AHI1: variants seen among roughly 807,000 people sequenced by gnomAD.
AHI1 encodes the protein jouberin.
Under a neutral mutation model 149.3 loss-of-function variants are expected in AHI1, and 123 were observed. The observed-to-expected ratio is 0.82, with a 90% CI of 0.71 to 0.96. AHI1 has a LOEUF of 0.96. Among genes scored for constraint, AHI1 ranks in the 40% least tolerant of loss-of-function variants. The pLI is 0.00. For missense variants in AHI1, 1,439 were observed against 1,422.7 expected (o/e 1.01, Z -0.18); for synonymous variants, 475 against 459.8 (o/e 1.03, Z -0.42).
At chr6:135,492,427 C>T (rs1327956928) in intron 3 of AHI1, 136 bp from the exon 4 acceptor site, 2 of 1,284,670 alleles carry the variant, frequency 1.6e-6, no homozygotes, top group Non-Finnish European at 2.0e-6. Flanking sequence ...GTTCCCTTAA[C>T]CCAATCTTAT....
chr6:135,285,365 C>T lies in AHI1; in HGVS notation c.*280G>A, dbSNP rs1781559557. On this transcript the variant is annotated 3_prime_UTR_variant, in exon 29 of 29. Coordinates refer to ENST00000265602, the MANE Select transcript of AHI1 (RefSeq NM_001134831.2). ...TGTTTTCTTCATTAGTTTTCCAACA[C>T]TGGTAATGTAATTATGATGCAATTA... 1 of 501,022 alleles carries T rather than the reference C, an allele frequency of 2.0e-6. No individual in the cohort carries two copies. The highest frequency in any genetic ancestry group is 2.8e-5 in the South Asian group (1 of 36,308). The allele number at this position is 501,022 out of a possible 1,614,324, so 31.0% of individuals were successfully genotyped here.
chr6:135,425,330 C>T (rs1024684945), intron 20 of AHI1, among the ~76,000 whole-genome samples: 1 of 151,712 alleles, frequency 6.6e-6, no homozygotes, highest in African/African-American at 2.4e-5. Flanking sequence ...CATTTATATT[C>T]TAATAAATTG....
chr6:135,382,926 A>AAAT (rs1562629265), intron 23 of AHI1, among the ~76,000 whole-genome samples: 1 of 30,508 alleles, frequency 3.3e-5, no homozygotes. Flanking sequence ...AAAAAAAAAA[A>AAAT]ATATATATAT....
chr6:135,463,623 C>A (rs1790279343), intron 7 of AHI1, among the ~76,000 whole-genome samples: 1 of 152,180 alleles, frequency 6.6e-6, no homozygotes, highest in African/African-American at 2.4e-5. Flanking sequence ...TCAAAGCATG[C>A]CCACCCTGCT....
At position 135,300,583 on chromosome 6, in the gene AHI1, T is replaced by C. The variant is rs1254335224; in HGVS notation, c.3427-25A>G. On this transcript the variant is annotated intron_variant, in intron 26 of 28. Transcript: ENST00000265602. ...GCTGTGGAAGAAGAGGAAAAACAAG[T>C]AGTAAGTAAAAAATGAGAAAAGACA... is the stretch of plus-strand genomic sequence containing the variant. 3.1e-6 allele frequency: 5 copies of C among 1,588,360 alleles called. No individual in the cohort carries two copies. In the South Asian group the frequency reaches 3.4e-5, roughly 11 times the overall value.
intron 23 of AHI1, among the ~76,000 whole-genome samples, chr6:135,366,790 C>T (rs1410844202): frequency 6.6e-6 from 1 of 152,030 alleles, no homozygotes; most frequent in Non-Finnish European, 1.5e-5. Flanking sequence ...TAGGTCTGCT[C>T]TGATCTTTGT....
chr6:135,422,868 T>C (rs930924748), intron 20 of AHI1, among the ~76,000 whole-genome samples: 1 of 151,972 alleles, frequency 6.6e-6, no homozygotes, highest in Non-Finnish European at 1.5e-5. Flanking sequence ...TTCTCCTAAA[T>C]GTTGAAATTG....
intron 23 of AHI1, among the ~76,000 whole-genome samples, chr6:135,379,133 G>C (rs1370035467): frequency 1.3e-5 from 2 of 152,168 alleles, no homozygotes; most frequent in Admixed American, 6.5e-5. Flanking sequence ...CAAGCTATTA[G>C]ATATCGTGTT....
intron 5 of AHI1, among the ~76,000 whole-genome samples, chr6:135,479,435 T>C (rs1426388063): frequency 5.3e-5 from 8 of 152,168 alleles, no homozygotes; most frequent in Non-Finnish European, 1.2e-4. Flanking sequence ...AGGAGATTAT[T>C]TTGGAGCTTT....
rs1781573041 is a variant in AHI1, at chr6:135,285,525, G to A, written c.*120C>T. The A allele has an allele frequency of 9.7e-7, 1 of 1,031,818 alleles. No homozygotes were observed. Among genetic ancestry groups the A allele is most frequent in the South Asian group, 1.4e-5 (1 of 73,118 alleles). 63.9% of individuals were successfully genotyped at this position (1,031,818 alleles called of 1,614,324 possible). ...CTAGAGTCATTCATAAGAACAAGAA[G>A]TAGTGGATCCTTTCTTCCTCCTTAG... is the stretch of plus-strand genomic sequence containing the variant. On this transcript the variant is annotated 3_prime_UTR_variant, in exon 29 of 29. Coordinates refer to ENST00000265602, the MANE Select transcript of AHI1 (RefSeq NM_001134831.2).
chr6:135,358,224 A>G (rs749053102), intron 23 of AHI1, 37 bp from the exon 24 acceptor site: 1 of 1,542,994 alleles, frequency 6.5e-7, no homozygotes, highest in Middle Eastern at 1.7e-4. Context: ...TTGGTTATTA[A>G]GCCTGTCCAT....
At chr6:135,492,071 T>C (rs1583514943) in intron 4 of AHI1, among the ~76,000 whole-genome samples, 157 bp downstream of exon 4, 1 of 152,190 alleles carries the variant, frequency 6.6e-6, no homozygotes, top group East Asian at 1.9e-4. Context: ...AATAGAAAAC[T>C]GAATACAAAA....
At chr6:135,488,921 T>G (rs1431263047) in intron 5 of AHI1, among the ~76,000 whole-genome samples, 1 of 152,202 alleles carries the variant, frequency 6.6e-6, no homozygotes, top group Non-Finnish European at 1.5e-5. Context: ...TATGTAACTT[T>G]CAGCAAGTTA....
At chr6:135,404,157 C>T (rs1045749680) in intron 22 of AHI1, among the ~76,000 whole-genome samples, 1 of 152,032 alleles carries the variant, frequency 6.6e-6, no homozygotes, top group Non-Finnish European at 1.5e-5. Context: ...AATGAATAGA[C>T]GTCTAATTAT....
chr6:135,400,154 T>A (rs1056855403), intron 22 of AHI1, among the ~76,000 whole-genome samples: 2 of 152,112 alleles, frequency 1.3e-5, no homozygotes, highest in Non-Finnish European at 2.9e-5. Flanking sequence ...CACGAAAAAA[T>A]AATTATGTTT....
At chr6:135,369,023 C>T (rs530990706) in intron 23 of AHI1, among the ~76,000 whole-genome samples, 121 of 152,336 alleles carry the variant, frequency 7.9e-4, no homozygotes, top group Non-Finnish European at 1.5e-3. Flanking sequence ...GGCAGCCCTC[C>T]CCAAGGACTC....
intron 7 of AHI1, among the ~76,000 whole-genome samples, chr6:135,463,732 C>A (rs1790295020): frequency 6.6e-6 from 1 of 152,016 alleles, no homozygotes; most frequent in South Asian, 2.1e-4. Context: ...TTCACATGCA[C>A]AACTTTTGAT....
chr6:135,318,376 T>C, intron 26 of AHI1, 143 bp downstream of exon 26: 1 of 651,400 alleles, frequency 1.5e-6, no homozygotes, highest in Admixed American at 2.7e-5. Context: ...TTGCCTTATG[T>C]ATTTCATAAT....
At chr6:135,364,169 CTCAGACAGGGCGGTTG>C (rs1236111729) in intron 23 of AHI1, among the ~76,000 whole-genome samples, 1 of 151,902 alleles carries the variant, frequency 6.6e-6, no homozygotes. Context: ...CTCCTCACTT[CTCAGACAGGGCGGTTG>C]CCAGGCAGAG....
Sources: allele counts gnomAD v4.1 joint callset (sites outside exome capture counted in the v4.1 genomes callset), GRCh38; gene constraint gnomAD v4.1.1; transcripts MANE v1.5; gene names NCBI Gene and HGNC (gene_info 2026-07-23, HGNC 2026-07-21).